Variants in PTPRT observed in about 807,000 individuals in gnomAD.
PTPRT encodes the protein protein tyrosine phosphatase receptor type T.
PTPRT carries 56 observed loss-of-function variants against 176.8 expected under a neutral mutation model. The ratio of observed to expected loss-of-function variants is 0.32; its 90% CI spans 0.26 to 0.40. PTPRT has a LOEUF of 0.40. Among genes scored for constraint, PTPRT ranks in the 10% least tolerant of loss-of-function variants. PTPRT has a pLI of 1.00. For synonymous variants in PTPRT, 783 were observed against 739.0 expected (o/e 1.06, Z -0.96); for missense variants, 1,540 against 1,908.2 (o/e 0.81, Z 3.60).
intron 7 of PTPRT, among the ~76,000 whole-genome samples, chr20:42,665,742 A>G (rs950528959): frequency 6.6e-6 from 1 of 152,260 alleles, no homozygotes; most frequent in African/African-American, 2.4e-5. Context: ...GCACATATAC[A>G]CCATGGAATA....
At chr20:42,118,342 A>T in intron 21 of PTPRT, 61 bp downstream of exon 21, 1 of 1,425,800 alleles carries the variant, frequency 7.0e-7, no homozygotes, top group South Asian at 1.3e-5. Flanking sequence ...CATGGAACAA[A>T]GAGATGTTCG....
At chr20:43,058,403 A>C (rs2146246959) in intron 1 of PTPRT, among the ~76,000 whole-genome samples, 1 of 152,110 alleles carries the variant, frequency 6.6e-6, no homozygotes, top group South Asian at 2.1e-4. Flanking sequence ...AGCCAGAGAA[A>C]GAAAGAAGGA....
At chr20:42,822,993 T>C (rs561521925) in intron 2 of PTPRT, among the ~76,000 whole-genome samples, 1 of 152,224 alleles carries the variant, frequency 6.6e-6, no homozygotes, top group African/African-American at 2.4e-5. Flanking sequence ...TCCTCAAGGA[T>C]CTAGAGCCAG....
intron 11 of PTPRT, among the ~76,000 whole-genome samples, chr20:42,337,798 C>A (rs1329225125): frequency 1.3e-5 from 2 of 152,222 alleles, no homozygotes; most frequent in Non-Finnish European, 2.9e-5. Flanking sequence ...AAAATACCAG[C>A]TTGGAAAATG....
At chr20:42,706,179 T>G (rs11697200) in intron 6 of PTPRT, among the ~76,000 whole-genome samples, 57 of 123,546 alleles carry the variant, frequency 4.6e-4, no homozygotes, top group East Asian at 4.1e-3. Flanking sequence ...CTCTCTCTGT[T>G]TGTGTGTGTG....
At chr20:42,382,358 G>C (rs1451136437) in intron 9 of PTPRT, among the ~76,000 whole-genome samples, 1 of 152,198 alleles carries the variant, frequency 6.6e-6, no homozygotes, top group Non-Finnish European at 1.5e-5. Context: ...CCCTGGACTA[G>C]AGCCAGTTCT....
At chr20:43,038,095 G>A (rs1029111177) in intron 1 of PTPRT, among the ~76,000 whole-genome samples, 11 of 151,254 alleles carry the variant, frequency 7.3e-5, no homozygotes, top group Admixed American at 3.9e-4. Flanking sequence ...GCAGTCATAT[G>A]TTTGGCTGCA....
chr20:42,821,145 CAATGTGAAAATCCTCAGTA>C (rs1235775652), intron 2 of PTPRT, among the ~76,000 whole-genome samples: 1 of 152,150 alleles, frequency 6.6e-6, no homozygotes, highest in East Asian at 1.9e-4. Flanking sequence ...TGATAAACAT[CAATGTGAAAATCCTCAGTA>C]AAATACTGAC....
chr20:42,467,895 T>C (rs2145909936), intron 8 of PTPRT, among the ~76,000 whole-genome samples: 1 of 152,320 alleles, frequency 6.6e-6, no homozygotes, highest in Non-Finnish European at 1.5e-5. Context: ...GTATATAATA[T>C]GTCTATCCGT....
chr20:42,058,623 G>C, the PTPRT span, among the ~76,000 whole-genome samples: 8 of 152,254 alleles, frequency 5.3e-5, no homozygotes, highest in East Asian at 1.9e-4. Context: ...CAAAGGCAGC[G>C]ACAAGAATTT....
chr20:42,138,839 G>A (rs895287529), intron 18 of PTPRT, among the ~76,000 whole-genome samples: 1 of 152,164 alleles, frequency 6.6e-6, no homozygotes, highest in Non-Finnish European at 1.5e-5. Flanking sequence ...AAGGTCTCTT[G>A]TTGTTTCTTT....
At chr20:43,160,131 G>C (rs2014651619) in intron 1 of PTPRT, among the ~76,000 whole-genome samples, 1 of 152,174 alleles carries the variant, frequency 6.6e-6, no homozygotes, top group South Asian at 2.1e-4. Context: ...AAGTGCTTAT[G>C]TGTGAGCAAG....
rs1982804519 is a variant in PTPRT, at chr20:42,076,692, T to C, written c.*4187A>G. On this transcript the variant is annotated 3_prime_UTR_variant, in exon 31 of 31. Coordinates refer to ENST00000373187, the MANE Select transcript of PTPRT (RefSeq NM_007050.6). ...AGACCAGCTGACCTAGGGTCCGTCATAGCGGGGTGAACAGAACAGAACAAC... is the reference window on the plus strand; with the variant it reads ...AGACCAGCTGACCTAGGGTCCGTCACAGCGGGGTGAACAGAACAGAACAAC... 1 of 197,114 alleles carries C rather than the reference T, an allele frequency of 5.1e-6. No homozygotes were observed. Among genetic ancestry groups the C allele is most frequent in the Non-Finnish European group, 1.0e-5 (1 of 97,256 alleles). 12.2% of individuals were successfully genotyped at this position (197,114 alleles called of 1,614,324 possible).
chr20:42,633,781 G>GAAAAAAAAAAAAAAAAAA (rs757072641), intron 7 of PTPRT, among the ~76,000 whole-genome samples: 1 of 32,854 alleles, frequency 3.0e-5, no homozygotes, highest in African/African-American at 1.8e-4. Flanking sequence ...GCAAGACTCT[G>GAAAAAAAAAAAAAAAAAA]AAAATATATA....
intron 1 of PTPRT, among the ~76,000 whole-genome samples, chr20:42,949,712 T>C (rs1296359132): frequency 1.5e-4 from 23 of 152,238 alleles, no homozygotes; most frequent in Non-Finnish European, 4.4e-5. Flanking sequence ...TTATTAGGTT[T>C]TGAAGTACCT....
At chr20:42,493,138 T>C (rs1293715633) in intron 7 of PTPRT, among the ~76,000 whole-genome samples, 1 of 152,208 alleles carries the variant, frequency 6.6e-6, no homozygotes, top group African/African-American at 2.4e-5. Flanking sequence ...CTAAGCATTT[T>C]GCTGGTGTCA....
intron 2 of PTPRT, among the ~76,000 whole-genome samples, chr20:42,876,435 A>C (rs2078932455): frequency 6.6e-6 from 1 of 152,196 alleles, no homozygotes; most frequent in South Asian, 2.1e-4. Flanking sequence ...CCACACATTC[A>C]TGAGAGTGTG....
At chr20:43,114,981 C>T (rs2146348170) in intron 1 of PTPRT, among the ~76,000 whole-genome samples, 1 of 152,164 alleles carries the variant, frequency 6.6e-6, no homozygotes, top group South Asian at 2.1e-4. Flanking sequence ...TAATAATAGC[C>T]AGCATTTATT....
rs1001493543 is a variant in PTPRT, at chr20:42,478,160, G to A, written c.1154-5598C>T. On this transcript the variant is annotated intron_variant, in intron 7 of 30. Transcript: ENST00000373187. ...CTTGCACCTGAGGACTGAGGTTGCT[G>A]TGCACACACATATGTGGGGCCCTTG... 3.0e-4 allele frequency among the ~76,000 whole-genome samples: 45 copies of A among 152,216 alleles called. 1 individual carries two copies. Among genetic ancestry groups the A allele is most frequent in the African/African-American group, 9.9e-4 (41 of 41,470 alleles).
Sources: gnomAD v4.1 joint callset for allele counts (sites outside exome capture counted in the v4.1 genomes callset) on GRCh38, gnomAD v4.1.1 for gene constraint, MANE v1.5 for transcripts, NCBI Gene and HGNC (gene_info 2026-07-23, HGNC 2026-07-21) for gene names.